DLGAP1: variants seen among roughly 807,000 people sequenced by gnomAD.
DLGAP1 encodes the protein DLG associated protein 1.
In DLGAP1, 11 loss-of-function variants were observed where a neutral mutation model predicts 90.8. That is an observed-to-expected ratio of 0.12 (90% CI 0.08 to 0.20). The LOEUF (loss-of-function observed/expected upper bound fraction) is 0.20, where lower values mean the gene tolerates loss of function less well. DLGAP1 is among the 10% of genes least tolerant of loss of function. DLGAP1 has a pLI of 1.00. For missense variants in DLGAP1, 1,050 were observed against 1,333.8 expected (o/e 0.79, Z 3.31); for synonymous variants, 558 against 540.7 (o/e 1.03, Z -0.44).
Position 3,502,504 on chromosome 18 carries a change from G to A in DLGAP1, c.2713C>T (p.Leu905Phe). 3 of 1,614,096 alleles carry A rather than the reference G, an allele frequency of 1.9e-6. No homozygotes were observed. The highest frequency in any genetic ancestry group is 1.3e-5 in the African/African-American group (1 of 75,018). ...KANNWKQMDPLDKKERRAPPP... is the reference protein window; with the variant it reads ...KANNWKQMDPFDKKERRAPPP... ...CTACATTGTTCTACCTTCTTGTCAA[G>A]AGGATCCATCTGTTTCCAATTATTG... is the stretch of plus-strand genomic sequence containing the variant. The change falls in exon 12 of 13, where the codon CTT (leucine) becomes TTT (phenylalanine). Residue 905 changes from leucine (L) to phenylalanine (F), a missense_variant. Leu to Phe is a conservative substitution (Grantham distance 22). Transcript: ENST00000315677.
At chr18:3,920,843 C>T (rs2072254687) in intron 3 of DLGAP1, among the ~76,000 whole-genome samples, 1 of 152,196 alleles carries the variant, frequency 6.6e-6, no homozygotes, top group Admixed American at 6.5e-5. Flanking sequence ...GAGCTAAAGT[C>T]TGATTCATGT....
At chr18:3,509,174 T>C (rs1322524687) in intron 10 of DLGAP1, among the ~76,000 whole-genome samples, 2 of 152,070 alleles carry the variant, frequency 1.3e-5, no homozygotes, top group African/African-American at 2.4e-5. Flanking sequence ...CCACATCCTT[T>C]CTTATTTTTC....
At chr18:3,924,673 T>C (rs1332366459) in intron 3 of DLGAP1, among the ~76,000 whole-genome samples, 2 of 152,212 alleles carry the variant, frequency 1.3e-5, no homozygotes, top group African/African-American at 4.8e-5. Context: ...CTTGACCTTC[T>C]GATGCAGCCA....
chr18:3,777,059 T>A (rs1198154568), intron 5 of DLGAP1, among the ~76,000 whole-genome samples: 2 of 152,230 alleles, frequency 1.3e-5, no homozygotes, highest in Non-Finnish European at 2.9e-5. Context: ...AGTGTTGGGA[T>A]TATAGGCGTG....
At chr18:3,673,502 A>G (rs2060173611) in intron 7 of DLGAP1, among the ~76,000 whole-genome samples, 1 of 152,318 alleles carries the variant, frequency 6.6e-6, no homozygotes, top group Non-Finnish European at 1.5e-5. Context: ...AGCTATTTTA[A>G]TAACTATTGT....
intron 7 of DLGAP1, among the ~76,000 whole-genome samples, chr18:3,726,495 T>C (rs1052949480): frequency 6.6e-6 from 1 of 151,498 alleles, no homozygotes; most frequent in Non-Finnish European, 1.5e-5. Flanking sequence ...ACAGGAGTAG[T>C]AGGAGGGGCA....
intron 1 of DLGAP1, among the ~76,000 whole-genome samples, chr18:4,241,435 G>C (rs1464636334): frequency 8.5e-5 from 13 of 152,120 alleles, no homozygotes; most frequent in Non-Finnish European, 1.9e-4. Context: ...TTTCCTGTCA[G>C]TTATGATAAT....
At chr18:4,266,014 C>T (rs2079124144) in intron 1 of DLGAP1, among the ~76,000 whole-genome samples, 1 of 151,946 alleles carries the variant, frequency 6.6e-6, no homozygotes, top group South Asian at 2.1e-4. Context: ...CTGAATAGTT[C>T]AGTATGAGGA....
At chr18:4,161,360 T>C (rs1006761427) in intron 1 of DLGAP1, among the ~76,000 whole-genome samples, 1 of 152,204 alleles carries the variant, frequency 6.6e-6, no homozygotes, top group Non-Finnish European at 1.5e-5. Context: ...TTTATGTTCC[T>C]GCATTAGTTT....
At chr18:4,368,272 C>T (rs542921074) in intron 1 of DLGAP1, among the ~76,000 whole-genome samples, 5 of 152,222 alleles carry the variant, frequency 3.3e-5, no homozygotes, top group African/African-American at 1.2e-4. Flanking sequence ...GATTTAGATA[C>T]TGTGATGGAT....
chr18:4,328,948 C>T lies in DLGAP1; in HGVS notation c.-267+126058G>A, dbSNP rs150562618. 2.2e-3 allele frequency among the ~76,000 whole-genome samples: 339 copies of T among 151,964 alleles called. 1 individual carries two copies. Among genetic ancestry groups the T allele is most frequent in the African/African-American group, 7.7e-3 (320 of 41,498 alleles). ...TATCTACTAGATATAAATTTCTTAT[C>T]ATATATGCTCTTTAAATATATTCTC... is the stretch of plus-strand genomic sequence containing the variant. On this transcript the variant is annotated intron_variant, in intron 1 of 12. Coordinates refer to ENST00000315677, the MANE Select transcript of DLGAP1 (RefSeq NM_004746.4).
At chr18:4,209,906 C>T (rs1344864325) in intron 1 of DLGAP1, among the ~76,000 whole-genome samples, 1 of 152,164 alleles carries the variant, frequency 6.6e-6, no homozygotes, top group East Asian at 1.9e-4. Context: ...TCCTGGCCTG[C>T]CGCCTACTCC....
intron 1 of DLGAP1, among the ~76,000 whole-genome samples, chr18:4,250,223 T>C (rs1286031923): frequency 1.3e-5 from 2 of 152,204 alleles, no homozygotes; most frequent in Admixed American, 1.3e-4. Flanking sequence ...AGAAATGATC[T>C]CTCAGGTGAA....
intron 7 of DLGAP1, among the ~76,000 whole-genome samples, chr18:3,713,735 T>C (rs1162557727): frequency 2.0e-5 from 3 of 151,718 alleles, no homozygotes; most frequent in Non-Finnish European, 4.4e-5. Flanking sequence ...GTGACACTTG[T>C]GTGATAGAAA....
chr18:3,869,120 T>A (rs1018953949), intron 4 of DLGAP1, among the ~76,000 whole-genome samples: 2 of 151,910 alleles, frequency 1.3e-5, no homozygotes, highest in African/African-American at 2.4e-5. Context: ...CTTGACAGAC[T>A]TAACGTATGA....
chr18:3,761,506 AC>A (rs995547985), intron 5 of DLGAP1, among the ~76,000 whole-genome samples: 26 of 151,534 alleles, frequency 1.7e-4, no homozygotes, highest in African/African-American at 6.3e-4. Context: ...GGTTGCTTCC[AC>A]CTTTTGGTTA....
chr18:3,708,402 T>C, intron 7 of DLGAP1: 1 of 456,600 alleles, frequency 2.2e-6, no homozygotes. Flanking sequence ...GAAGTTCATA[T>C]GGGGTGATCT....
chr18:3,991,093 G>T (rs1422992786), intron 3 of DLGAP1, among the ~76,000 whole-genome samples: 1 of 151,768 alleles, frequency 6.6e-6, no homozygotes, highest in African/African-American at 2.4e-5. Flanking sequence ...TGTCACCCAG[G>T]TAATCAGCAT....
At chr18:3,942,560 T>C (rs890505181) in intron 3 of DLGAP1, among the ~76,000 whole-genome samples, 25 of 152,270 alleles carry the variant, frequency 1.6e-4, no homozygotes, top group African/African-American at 5.8e-4. Context: ...CCAACCAAAT[T>C]TGTCTTAGGA....
Sources: gnomAD v4.1 joint callset for allele counts (sites outside exome capture counted in the v4.1 genomes callset) on GRCh38, gnomAD v4.1.1 for gene constraint, MANE v1.5 for transcripts, NCBI Gene and HGNC (gene_info 2026-07-23, HGNC 2026-07-21) for gene names.